The following EIF4G2 variants were observed in gnomAD, a reference collection of about 807,000 sequenced individuals.
EIF4G2 encodes eukaryotic translation initiation factor 4 gamma 2, also known as DAP-5.
A neutral mutation model predicts 117.7 loss-of-function variants in EIF4G2; 8 were observed. The observed-to-expected ratio is 0.07, with a 90% confidence interval of 0.04 to 0.12. The LOEUF (loss-of-function observed/expected upper bound fraction) is 0.12, where lower values mean the gene tolerates loss of function less well. EIF4G2 is among the 10% of genes least tolerant of loss of function. The probability of loss-of-function intolerance (pLI) is 1.00; values close to 1 mark genes in which losing one functional copy is unlikely to be tolerated. For missense variants in EIF4G2, 812 were observed against 1,086.2 expected, an observed-to-expected ratio of 0.75 and a Z score of 3.55; for synonymous variants, 413 against 367.8, an observed-to-expected ratio of 1.12 and a Z score of -1.41.
Position 10,800,072 on chromosome 11 carries a change from A to C in EIF4G2, c.2119+18T>G, listed in dbSNP as rs772086746. 1 of 1,605,664 alleles carries C rather than the reference A, an allele frequency of 6.2e-7. No homozygotes were observed. Among genetic ancestry groups the C allele is most frequent in the East Asian group, 2.2e-5 (1 of 44,808 alleles). On this transcript the variant is annotated intron_variant, in intron 18 of 21. Transcript: ENST00000339995. ...ATAATATTAAAAAAACAAAACAAAC[A>C]AGTCAGCATTCTCTTACCTGGGAGC...
intron 14 of EIF4G2, 140 bp downstream of exon 14, chr11:10,801,521 A>T (rs1359495187): frequency 4.6e-6 from 4 of 860,832 alleles, no homozygotes; most frequent in Non-Finnish European, 7.9e-6. Context: ...TCAAAGAAAG[A>T]AAAAGAAGTA....
intron 4 of EIF4G2, 113 bp from the exon 5 acceptor site, chr11:10,805,128 A>G: frequency 1.2e-6 from 1 of 818,758 alleles, no homozygotes; most frequent in Non-Finnish European, 2.0e-6. Flanking sequence ...TTAAAAAATC[A>G]AGACATGTTT....
In EIF4G2 at chr11:10,802,444, ATGAAG is replaced by A. The variant is rs778476889; in HGVS notation, c.997-14_997-10del. 1.3e-6 allele frequency: 2 copies of A among 1,560,970 alleles called. No individual in the cohort carries two copies. Among genetic ancestry groups the A allele is most frequent in the South Asian group, 1.2e-5 (1 of 83,322 alleles). On this transcript the variant is annotated splice_polypyrimidine_tract_variant and intron_variant, in intron 11 of 21. Transcript: ENST00000339995. ...ATAAACACCCCTAGATCCTTTAGAA[ATGAAG>A]TGAATATGCACTTTTTGTCTCTGGA...
chr11:10,805,846 C>A (rs1250643614), intron 4 of EIF4G2, 61 bp downstream of exon 4: 1 of 1,610,748 alleles, frequency 6.2e-7, no homozygotes, highest in Non-Finnish European at 8.5e-7. Context: ...ATACAGCACA[C>A]ACACCAAACA....
At position 10,800,209 on chromosome 11, in the gene EIF4G2, C is replaced by T. The variant is rs1847378904; in HGVS notation, c.2000G>A (p.Ser667Asn). ...TAGGAAGAGAGGAAAATGGGTGCCA[C>T]TTTCTAGTGGTTGAGCTAGTTCTGA... Residue 667 changes from serine to asparagine, a missense_variant, in exon 18 of 22, where the codon AGT becomes AAT. This residue lies in a region of EIF4G2 where 571 missense variants were observed against 642.3 expected (regional missense o/e 0.89). Coordinates refer to ENST00000339995, the MANE Select transcript of EIF4G2 (RefSeq NM_001418.4). 1 of 1,614,046 alleles carries T rather than the reference C, an allele frequency of 6.2e-7. No homozygotes were observed. Among genetic ancestry groups the T allele is most frequent in the African/African-American group, 1.3e-5 (1 of 74,922 alleles).
rs565954508 is a variant in EIF4G2 at position 10,797,543 on chromosome 11, T to A, written c.*273A>T. 18 of 383,730 alleles carry A rather than the reference T, an allele frequency of 4.7e-5. No individual in the cohort carries two copies. Among genetic ancestry groups the A allele is most frequent in the South Asian group, 3.8e-4 (10 of 26,186 alleles). 23.8% of individuals were successfully genotyped at this position (383,730 alleles called of 1,614,324 possible). A position where few individuals can be genotyped will look rare whatever the true frequency, so the allele number is the denominator to read the frequency against. On this transcript the variant is annotated 3_prime_UTR_variant, in exon 22 of 22. Transcript: ENST00000339995. The surrounding 1 kb of genome is among the most constrained non-coding windows in gnomAD (Gnocchi z 4.5). ...AGCAAAGAAGGTCCTTGCAATAGACTGCCTCTGCTTGAGAACTTATGATGT... is the reference window on the plus strand; with the variant it reads ...AGCAAAGAAGGTCCTTGCAATAGACAGCCTCTGCTTGAGAACTTATGATGT...
intron 11 of EIF4G2, 79 bp from the exon 12 acceptor site, chr11:10,802,514 G>A: frequency 1.4e-6 from 2 of 1,436,368 alleles, no homozygotes; most frequent in Non-Finnish European, 1.9e-6. Flanking sequence ...CAACTAGGGG[G>A]GGAAACCTAG....
intron 1 of EIF4G2, chr11:10,808,073 G>A (rs1345563484): frequency 4.8e-6 from 5 of 1,048,702 alleles, no homozygotes; most frequent in South Asian, 2.6e-5. Flanking sequence ...CCAGCCCGGC[G>A]CCCAGCTCTT....
intron 19 of EIF4G2, 37 bp downstream of exon 19, chr11:10,799,515 T>A: frequency 6.2e-7 from 1 of 1,610,054 alleles, no homozygotes. Context: ...TTCCAGTACA[T>A]GAAACATTAC....
rs779055818 is a variant in EIF4G2, at chr11:10,807,375, G to C, written c.-80C>G. ...GGGGAGGGGAGGGGACAGGAGAAAT[G>C]AAATACCTGGAACGAGAAAGAGCAC... On this transcript the variant is annotated 5_prime_UTR_variant, in exon 2 of 22. Transcript: ENST00000339995. The C allele has an allele frequency of 8.1e-6, 13 of 1,599,106 alleles. No homozygotes were observed. Among genetic ancestry groups the C allele is most frequent in the Non-Finnish European group, 1.0e-5 (12 of 1,177,100 alleles).
At chr11:10,802,719 T>A (rs1288187536) in intron 11 of EIF4G2, among the ~76,000 whole-genome samples, 5 of 151,942 alleles carry the variant, frequency 3.3e-5, no homozygotes, top group Non-Finnish European at 7.4e-5. Flanking sequence ...TACAAAAAAT[T>A]AGCGGGGTGT....
intron 21 of EIF4G2, 41 bp downstream of exon 21, chr11:10,798,951 A>C: frequency 6.3e-7 from 1 of 1,577,382 alleles, no homozygotes; most frequent in Non-Finnish European, 8.6e-7. Flanking sequence ...AATACCAAGC[A>C]AACTGAAGTA....
chr11:10,797,673 A>C lies in EIF4G2; in HGVS notation c.*143T>G. 1 of 847,560 alleles carries C rather than the reference A, an allele frequency of 1.2e-6. No individual in the cohort carries two copies. The highest frequency in any genetic ancestry group is 1.9e-6 in the Non-Finnish European group (1 of 530,252). 52.5% of individuals were successfully genotyped at this position (847,560 alleles called of 1,614,324 possible). On this transcript the variant is annotated 3_prime_UTR_variant, in exon 22 of 22. Coordinates refer to ENST00000339995, the MANE Select transcript of EIF4G2 (RefSeq NM_001418.4). The surrounding 1 kb of genome is among the most constrained non-coding windows in gnomAD (Gnocchi z 4.5). ...ATTACACTACAAAAAAACCTTATGC[A>C]GAAGGAAATCCTAACTGACGTGCTT...
At position 10,799,099 on chromosome 11, in the gene EIF4G2, A is replaced by G; in HGVS notation, c.2551T>C (p.Phe851Leu). The change falls in exon 21 of 22, where the codon TTT (phenylalanine) becomes CTT (leucine). Residue 851 changes from phenylalanine to leucine, a missense_variant. Phe to Leu is a conservative substitution (Grantham distance 22). Coordinates refer to ENST00000339995, the MANE Select transcript of EIF4G2 (RefSeq NM_001418.4). ...TCCATGTCATAGAAGTGCACAAAAA[A>G]GCGAAGTAACATGCCTTAAAAAAAA... The G allele has an allele frequency of 6.3e-7, 1 of 1,584,178 alleles. No homozygotes were observed. The highest frequency in any genetic ancestry group is 8.5e-7 in the Non-Finnish European group (1 of 1,172,684).
chr11:10,807,648 C>A (rs1392933735), intron 1 of EIF4G2: 6 of 1,059,492 alleles, frequency 5.7e-6, no homozygotes, highest in Non-Finnish European at 6.8e-6. Context: ...CCACATTCTA[C>A]TATCTTTAAA....
chr11:10,805,315 C>A (rs931069457), intron 4 of EIF4G2, among the ~76,000 whole-genome samples: 1 of 152,324 alleles, frequency 6.6e-6, no homozygotes, highest in Admixed American at 6.5e-5. Flanking sequence ...CCATTATATT[C>A]CCTGCCTCAC....
Position 10,806,063 on chromosome 11 carries a change from C to T in EIF4G2, c.108-16G>A. 6.2e-7 allele frequency: 1 copy of T among 1,613,622 alleles called. No individual in the cohort carries two copies. The highest frequency in any genetic ancestry group is 8.5e-7 in the Non-Finnish European group (1 of 1,179,726). Reference sequence around the variant, plus strand: ...CAGGAACTCGCTGATTAATAAAAATCAGCAAAAACACTTATTGTCACACAC... The same window carrying T: ...CAGGAACTCGCTGATTAATAAAAATTAGCAAAAACACTTATTGTCACACAC... On this transcript the variant is annotated splice_polypyrimidine_tract_variant and intron_variant, in intron 3 of 21. Transcript: ENST00000339995.
chr11:10,799,047 G>A lies in EIF4G2; in HGVS notation c.2603C>T (p.Ala868Val). 5 of 1,609,080 alleles carry A rather than the reference G, an allele frequency of 3.1e-6. No individual in the cohort carries two copies. Among genetic ancestry groups the A allele is most frequent in the Non-Finnish European group, 4.2e-6 (5 of 1,179,044 alleles). ...CTCTTGGGTTATATCTTCTTTCCAAGCCAAGAAAGCTTCTTCTTCAATAAT... is the reference window on the plus strand; with the variant it reads ...CTCTTGGGTTATATCTTCTTTCCAAACCAAGAAAGCTTCTTCTTCAATAAT... The change falls in exon 21 of 22, where the codon GCT becomes GTT. Residue 868 changes from alanine to valine, a missense_variant. This residue lies in a region of EIF4G2 where 571 missense variants were observed against 642.3 expected (regional missense o/e 0.89). Transcript: ENST00000339995.
rs998516824 is a variant in EIF4G2 at position 10,808,056 on chromosome 11, A to G, written c.-87+649T>C. 5.8e-6 allele frequency: 6 copies of G among 1,043,026 alleles called. No homozygotes were observed. The East Asian group carries it at 6.8e-4, about 117-fold the overall frequency. 64.6% of individuals were successfully genotyped at this position (1,043,026 alleles called of 1,614,324 possible). On this transcript the variant is annotated intron_variant, in intron 1 of 21. Transcript: ENST00000339995. Reference sequence around the variant, plus strand: ...TCGACGGGGAGGAGCAGCTGAGGCCACCCCCGCCAGCCCGGCGCCCAGCTC... The same window carrying G: ...TCGACGGGGAGGAGCAGCTGAGGCCGCCCCCGCCAGCCCGGCGCCCAGCTC...
Sources: allele counts gnomAD v4.1 joint callset (sites outside exome capture counted in the v4.1 genomes callset), GRCh38; gene constraint gnomAD v4.1.1; regional missense constraint gnomAD v4.1.1; non-coding constraint Gnocchi (gnomAD v3.1); transcripts MANE v1.5; gene names NCBI Gene and HGNC (gene_info 2026-07-23, HGNC 2026-07-21).